PKMYT1: variants seen among roughly 807,000 people sequenced by gnomAD.
PKMYT1 encodes the protein membrane-associated tyrosine- and threonine-specific cdc2-inhibitory kinase.
Under a neutral mutation model 49.7 loss-of-function variants are expected in PKMYT1, and 35 were observed. That is an observed-to-expected ratio of 0.70 (90% CI 0.54 to 0.93). PKMYT1 has a LOEUF of 0.93. PKMYT1 is among the 40% of genes least tolerant of loss of function. The pLI is 0.00. For synonymous variants in PKMYT1, 331 were observed against 287.6 expected (o/e 1.15, Z -1.53); for missense variants, 677 against 673.1 (o/e 1.01, Z -0.06).
At chr16:2,973,382 C>A in intron 7 of PKMYT1, 167 bp from the exon 8 acceptor site, 1 of 1,538,522 alleles carries the variant, frequency 6.5e-7, no homozygotes, top group Non-Finnish European at 8.7e-7. Context: ...ACTTGGACAG[C>A]CTTCAAAGTC....
chr16:2,974,853 G>T (rs775638577), intron 4 of PKMYT1, 197 bp from the exon 5 acceptor site: 7 of 589,674 alleles, frequency 1.2e-5, no homozygotes, highest in South Asian at 6.0e-5. Flanking sequence ...ATGGAATATG[G>T]GCTCTGTGCC....
chr16:2,974,026 G>A lies in PKMYT1; in HGVS notation c.1284C>T (p.Ser428=), dbSNP rs4149801. 53 of 1,612,594 alleles carry A rather than the reference G, an allele frequency of 3.3e-5. No homozygotes were observed. In the African/African-American group the frequency reaches 6.0e-4, roughly 18 times the overall value. The change falls in exon 7 of 9, where the codon TCC becomes TCT. Residue 428 remains serine, a synonymous_variant. Transcript: ENST00000262300. ...CTAGGCTGTCGTCATCCCAGTTGCT[G>A]GAGAGGCTGCTGTCCAGGAGCAAAC... The part of the protein sequence containing the change: ...PCSLLLDSSL[S]SNWDDDSLGP...
chr16:2,976,964 G>C lies in PKMYT1; in HGVS notation c.78C>G (p.Ile26Met). 6.4e-7 allele frequency: 1 copy of C among 1,557,958 alleles called. No homozygotes were observed. Residue 26 changes from isoleucine to methionine, a missense_variant, in exon 3 of 9, where the codon ATC becomes ATG. By Grantham distance (10) the Ile-to-Met change is conservative. Coordinates refer to ENST00000262300, the MANE Select transcript of PKMYT1 (RefSeq NM_004203.5). ...CGTGGCGGAAGTAGGCTGGGACTGGGATGGGGGTGCCACTCAGAGGTGGCG... is the reference window on the plus strand; with the variant it reads ...CGTGGCGGAAGTAGGCTGGGACTGGCATGGGGGTGCCACTCAGAGGTGGCG... ...GTPPPLSGTP[I>M]PVPAYFRHAE...
Position 2,974,344 on chromosome 16 carries a change from C to T in PKMYT1, c.1053G>A (p.Glu351=), listed in dbSNP as rs1304202994. 6.2e-7 allele frequency: 1 copy of T among 1,609,460 alleles called. No homozygotes were observed. Among genetic ancestry groups the T allele is most frequent in the African/African-American group, 1.3e-5 (1 of 74,882 alleles). Reference sequence around the variant, plus strand: ...TCAACACAGGCAGTGCCAGCAGGGCCTCGGCCGTGGCCCGCAGCTTGGGGT... The same window carrying T: ...TCAACACAGGCAGTGCCAGCAGGGCTTCGGCCGTGGCCCGCAGCTTGGGGT... ...EPDPKLRATA[E]ALLALPVLRQ... Residue 351 remains glutamate (E), a synonymous_variant, in exon 6 of 9, where the codon GAG becomes GAA. Coordinates refer to ENST00000262300, the MANE Select transcript of PKMYT1 (RefSeq NM_004203.5).
At chr16:2,979,290 C>A (rs540019021) in intron 2 of PKMYT1, among the ~76,000 whole-genome samples, 2 of 151,980 alleles carry the variant, frequency 1.3e-5, no homozygotes, top group Non-Finnish European at 2.9e-5. Context: ...GCCGAGATTG[C>A]GGCATTGCAC....
intron 2 of PKMYT1, chr16:2,977,645 A>T: frequency 1.1e-5 from 3 of 270,732 alleles, no homozygotes; most frequent in Non-Finnish European, 1.1e-5. Context: ...ACAAAGGTTT[A>T]CACAAGAAAA....
rs898940852 is a variant in PKMYT1, at chr16:2,976,664, C to G, written c.378G>C (p.Lys126Asn). 2 of 1,463,348 alleles carry G rather than the reference C, an allele frequency of 1.4e-6. No individual in the cohort carries two copies. The highest frequency in any genetic ancestry group is 2.8e-5 in the African/African-American group (2 of 70,840). 90.6% of individuals were successfully genotyped at this position (1,463,348 alleles called of 1,614,324 possible). ...LGHGSYGEVF[K>N]VRSKEDGRLY... ...GCCTAGAAGCCGTCCCCTCACTCAC[C>G]TTGAAGACCTCTCCGTAGGAGCCAT... Residue 126 changes from lysine (K) to asparagine (N), a missense_variant and splice_region_variant, in exon 3 of 9, where the codon AAG (lysine) becomes AAC (asparagine). Transcript: ENST00000262300.
intron 2 of PKMYT1, among the ~76,000 whole-genome samples, chr16:2,977,967 C>T (rs138424791): frequency 1.1e-4 from 16 of 152,280 alleles, no homozygotes; most frequent in Middle Eastern, 6.8e-3. Flanking sequence ...ATCTCAGGCC[C>T]GGCAGGCTGG....
chr16:2,973,904 TG>T, intron 7 of PKMYT1, 95 bp downstream of exon 7: 1 of 1,342,998 alleles, frequency 7.4e-7, no homozygotes, highest in Non-Finnish European at 1.0e-6. Flanking sequence ...GGGCCAGGTT[TG>T]TGGGAGTGGT....
chr16:2,974,494 G>A, intron 5 of PKMYT1, 56 bp downstream of exon 5: 16 of 1,536,544 alleles, frequency 1.0e-5, no homozygotes, highest in Non-Finnish European at 1.4e-5. Context: ...TCCATGGCCA[G>A]CCACTATCTC....
At chr16:2,973,957 C>G (rs371180767) in intron 7 of PKMYT1, 43 bp downstream of exon 7, 1 of 1,593,900 alleles carries the variant, frequency 6.3e-7, no homozygotes, top group Admixed American at 1.7e-5. Flanking sequence ...GGTGATATCC[C>G]CCACCTTCCC....
At position 2,979,609 on chromosome 16, in the gene PKMYT1, T is replaced by C. The variant is rs778702698; in HGVS notation, c.10+39A>G. On this transcript the variant is annotated intron_variant, in intron 2 of 8. Coordinates refer to ENST00000262300, the MANE Select transcript of PKMYT1 (RefSeq NM_004203.5). ...ACTCGGGGACCTGGGCCTGTGCATC[T>C]TAACCCAGTTCTCCCACCGTCCCTG... The C allele has an allele frequency of 3.2e-6, 5 of 1,558,240 alleles. No homozygotes were observed. In the East Asian group the frequency reaches 1.1e-4, roughly 35 times the overall value.
Position 2,973,918 on chromosome 16 carries a change from C to G in PKMYT1, c.1310+82G>C, listed in dbSNP as rs1176886634. On this transcript the variant is annotated intron_variant, in intron 7 of 8. Coordinates refer to ENST00000262300, the MANE Select transcript of PKMYT1 (RefSeq NM_004203.5). ...GGGGCCAGGTTTGTGGGAGTGGTCC[C>G]CATTCACCACGAATCTCCATGGAGC... 7 of 1,441,634 alleles carry G rather than the reference C, an allele frequency of 4.9e-6. No individual in the cohort carries two copies. In the Admixed American group the frequency reaches 1.2e-4, roughly 24 times the overall value. 89.3% of individuals were successfully genotyped at this position (1,441,634 alleles called of 1,614,324 possible).
intron 2 of PKMYT1, among the ~76,000 whole-genome samples, chr16:2,978,144 CAG>C (rs2072248887): frequency 6.6e-6 from 1 of 152,150 alleles, no homozygotes; most frequent in Non-Finnish European, 1.5e-5. Flanking sequence ...ATGGCTCAGA[CAG>C]AGATTTAGCC....
rs1187546530 is a variant in PKMYT1 at position 2,972,983 on chromosome 16, G to A, written c.1470C>T (p.Ser490=). The part of the protein sequence containing the change: ...FPSFEPRNLL[S]LFEDTLDPT The stretch of plus-strand genomic sequence containing the variant: ...TTGGGTCTAGGGTGTCCTCAAACAG[G>A]CTGAGGAGGTTCCGAGGCTCAAAGG... The change falls in exon 9 of 9, where the codon AGC becomes AGT. Residue 490 remains serine (S), a synonymous_variant. Transcript: ENST00000262300. The A allele has an allele frequency of 2.5e-6, 4 of 1,609,860 alleles. No individual in the cohort carries two copies. The African/African-American group carries it at 4.0e-5, about 16-fold the overall frequency.
Position 2,975,343 on chromosome 16 carries a change from T to A in PKMYT1, c.848A>T (p.Tyr283Phe). ...CCTGAACACATCCGCTGCTGTCCCATAGGAGCCCTGCAGCAGCTCGGGGGC... is the reference window on the plus strand; with the variant it reads ...CCTGAACACATCCGCTGCTGTCCCAAAGGAGCCCTGCAGCAGCTCGGGGGC... ...YMAPELLQGS[Y>F]GTAADVFSLG... The change falls in exon 4 of 9, where the codon TAT becomes TTT. Residue 283 changes from tyrosine (Y) to phenylalanine (F), a missense_variant. By Grantham distance (22) the Tyr-to-Phe change is conservative. Transcript: ENST00000262300. The A allele has an allele frequency of 1.9e-6, 3 of 1,612,626 alleles. No individual in the cohort carries two copies. Among genetic ancestry groups the A allele is most frequent in the South Asian group, 1.1e-5 (1 of 91,062 alleles).
At chr16:2,973,400 C>A in intron 7 of PKMYT1, 185 bp from the exon 8 acceptor site, 1 of 1,536,374 alleles carries the variant, frequency 6.5e-7, no homozygotes, top group Non-Finnish European at 8.7e-7. Flanking sequence ...GTCCTTCCAT[C>A]TGGCTGCACT....
In PKMYT1 at chr16:2,974,235, G is replaced by C. The variant is rs778401458; in HGVS notation, c.1152+10C>G. ...AGCAGGGCAGGCAGCCGCCACTGTC[G>C]GGAGCTTACCTGCCACAGGGCCCAC... On this transcript the variant is annotated intron_variant, in intron 6 of 8. Transcript: ENST00000262300. 2 of 1,560,152 alleles carry C rather than the reference G, an allele frequency of 1.3e-6. No individual in the cohort carries two copies. Among genetic ancestry groups the C allele is most frequent in the Non-Finnish European group, 8.7e-7 (1 of 1,153,122 alleles).
At chr16:2,978,979 A>G (rs1345290373) in intron 2 of PKMYT1, among the ~76,000 whole-genome samples, 2 of 151,016 alleles carry the variant, frequency 1.3e-5, no homozygotes, top group South Asian at 2.1e-4. Flanking sequence ...AATAATTTTT[A>G]TATTTTTAGT....
Sources: gnomAD v4.1 joint callset for allele counts (sites outside exome capture counted in the v4.1 genomes callset) on GRCh38, gnomAD v4.1.1 for gene constraint, MANE v1.5 for transcripts, NCBI Gene and HGNC (gene_info 2026-07-23, HGNC 2026-07-21) for gene names.